The following TPGS2 variants were observed in gnomAD, a reference collection of about 807,000 sequenced individuals.
TPGS2 encodes the protein polyglutamylase subunit 2.
Under a neutral mutation model 31.1 loss-of-function variants are expected in TPGS2, and 26 were observed. The ratio of observed to expected loss-of-function variants is 0.84; its 90% confidence interval spans 0.61 to 1.16. The LOEUF (loss-of-function observed/expected upper bound fraction) is 1.16. Ranked by LOEUF, TPGS2 falls within the 50% of genes most tolerant of loss-of-function variation. TPGS2 has a pLI of 0.00. For missense variants in TPGS2, 351 were observed against 363.8 expected (o/e 0.96, Z 0.29); for synonymous variants, 130 against 136.6 (o/e 0.95, Z 0.34).
chr18:36,793,866 T>G (rs552855168), downstream of TPGS2, among the ~76,000 whole-genome samples: 2 of 151,862 alleles, frequency 1.3e-5, no homozygotes, highest in Non-Finnish European at 2.9e-5. Context: ...GCCTCCCGAG[T>G]AGCTGGGACT....
rs1039399286 is a variant in TPGS2 at position 36,828,871 on chromosome 18, C to A, written c.-104G>T. ...GCATGCCGGGAACGGTAGTTCTCGG[C>A]GCCTGAAAGCGCGGCGCAGTGATGA... On this transcript the variant is annotated 5_prime_UTR_variant, in exon 1 of 7. Transcript: ENST00000334295. The A allele has an allele frequency of 3.6e-6, 5 of 1,384,934 alleles. No individual in the cohort carries two copies. Among genetic ancestry groups the A allele is most frequent in the Non-Finnish European group, 4.9e-6 (5 of 1,014,162 alleles). 85.8% of individuals were successfully genotyped at this position (1,384,934 alleles called of 1,614,324 possible).
chr18:36,785,475 A>G (rs1042121854), intron 6 of TPGS2, among the ~76,000 whole-genome samples: 4 of 152,278 alleles, frequency 2.6e-5, no homozygotes, highest in African/African-American at 9.6e-5. Context: ...TGCTTTGATG[A>G]TAGAGTCATT....
downstream of TPGS2, among the ~76,000 whole-genome samples, chr18:36,791,690 G>T (rs570786711): frequency 6.6e-6 from 1 of 152,236 alleles, no homozygotes; most frequent in East Asian, 1.9e-4. Context: ...GTTAACAAGA[G>T]AATGCATGGC....
At chr18:36,790,952 G>A (rs2044289515), downstream of TPGS2, among the ~76,000 whole-genome samples, 1 of 152,128 alleles carries the variant, frequency 6.6e-6, no homozygotes. Flanking sequence ...TTGTGTCCCT[G>A]CCCAAATCTC....
chr18:36,786,882 C>A (rs1030882651), intron 6 of TPGS2: 16 of 1,234,210 alleles, frequency 1.3e-5, no homozygotes, highest in South Asian at 4.1e-5. Flanking sequence ...GGAATGATTG[C>A]GACACTGTTG....
At position 36,795,305 on chromosome 18, in the gene TPGS2, A is replaced by T; in HGVS notation, c.*1500T>A. On this transcript the variant is annotated 3_prime_UTR_variant, in exon 7 of 7. Coordinates refer to ENST00000334295, the MANE Select transcript of TPGS2 (RefSeq NM_015476.4). ...GGGTCGATTAGCAGGTAGACAGTGC[A>T]AAGGAAGGAAGTCTGGCCAATCACC... The T allele has an allele frequency of 7.1e-6, 7 of 985,622 alleles. No individual in the cohort carries two copies. Among genetic ancestry groups the T allele is most frequent in the Non-Finnish European group, 8.4e-6 (7 of 830,088 alleles). The allele number at this position is 985,622 out of a possible 1,614,324, so 61.1% of individuals were successfully genotyped here.
intron 4 of TPGS2, 124 bp downstream of exon 4, chr18:36,805,233 GAATCCTCTTGATACTGA>G: frequency 3.0e-6 from 3 of 993,738 alleles, no homozygotes; most frequent in Non-Finnish European, 4.4e-6. Flanking sequence ...CATGTTCCCT[GAATCCTCTTGATACTGA>G]AATGTTGAGT....
At position 36,795,366 on chromosome 18, in the gene TPGS2, C is replaced by T. The variant is rs2044481078; in HGVS notation, c.*1439G>A. 2.0e-6 allele frequency: 2 copies of T among 985,490 alleles called. No homozygotes were observed. The highest frequency in any genetic ancestry group is 9.4e-5 in the South Asian group (2 of 21,274). The allele number at this position is 985,490 out of a possible 1,614,324, so 61.0% of individuals were successfully genotyped here. A position where few individuals can be genotyped will look rare whatever the true frequency, so the allele number is the denominator to read the frequency against. Reference sequence around the variant, plus strand: ...GAAGTCAGGAAAGAGAATGAGCCAGCTGGGACTGAAGTGTGCAGATGGTAG... The same window carrying T: ...GAAGTCAGGAAAGAGAATGAGCCAGTTGGGACTGAAGTGTGCAGATGGTAG... On this transcript the variant is annotated 3_prime_UTR_variant, in exon 7 of 7. Transcript: ENST00000334295.
intron 3 of TPGS2, among the ~76,000 whole-genome samples, chr18:36,806,368 A>C (rs1459220129): frequency 1.3e-5 from 2 of 152,130 alleles, no homozygotes; most frequent in East Asian, 3.9e-4. Context: ...AGCCTGTTGC[A>C]AGGATGTGGG....
chr18:36,820,445 A>T (rs2045846881), intron 1 of TPGS2, among the ~76,000 whole-genome samples: 2 of 152,200 alleles, frequency 1.3e-5, no homozygotes, highest in South Asian at 4.1e-4. Flanking sequence ...GTTGCTTAGG[A>T]AGTATCCATT....
intron 4 of TPGS2, among the ~76,000 whole-genome samples, chr18:36,800,762 T>C (rs541150989): frequency 6.6e-6 from 1 of 152,026 alleles, no homozygotes; most frequent in African/African-American, 2.4e-5. Context: ...TAATCTCGGC[T>C]CACTGCAACC....
chr18:36,791,724 G>T (rs1051122063), downstream of TPGS2, among the ~76,000 whole-genome samples: 1 of 152,090 alleles, frequency 6.6e-6, no homozygotes, highest in Non-Finnish European at 1.5e-5. Context: ...TCCAGTCTGG[G>T]TTGCTTAAGC....
At chr18:36,827,704 T>C (rs905225234) in intron 1 of TPGS2, among the ~76,000 whole-genome samples, 4 of 152,214 alleles carry the variant, frequency 2.6e-5, no homozygotes, top group Admixed American at 1.3e-4. Flanking sequence ...CTAACTCCTA[T>C]ATGTCTTTCA....
At chr18:36,780,158 C>G, downstream of TPGS2, 1 of 1,231,936 alleles carries the variant, frequency 8.1e-7, no homozygotes, top group Non-Finnish European at 1.0e-6. Flanking sequence ...CAGAAGCACC[C>G]TCGCTTGGAA....
downstream of TPGS2, among the ~76,000 whole-genome samples, chr18:36,780,949 G>A (rs1296730805): frequency 6.6e-6 from 1 of 152,194 alleles, no homozygotes; most frequent in African/African-American, 2.4e-5. Flanking sequence ...CCACAAACAC[G>A]TGAGTAATGC....
chr18:36,783,989 G>A (rs2044073625), intron 6 of TPGS2, among the ~76,000 whole-genome samples: 2 of 152,062 alleles, frequency 1.3e-5, no homozygotes, highest in Admixed American at 6.6e-5. Flanking sequence ...GAAGACAGAC[G>A]AAATTGGAGT....
At chr18:36,788,224 C>T (rs1346027139) in intron 6 of TPGS2, among the ~76,000 whole-genome samples, 1 of 34,814 alleles carries the variant, frequency 2.9e-5, no homozygotes, top group Non-Finnish European at 5.1e-5. Context: ...ATCTAATTTT[C>T]ACAGGAAATT....
chr18:36,811,900 T>C (rs1428410023), intron 2 of TPGS2, among the ~76,000 whole-genome samples: 3 of 152,226 alleles, frequency 2.0e-5, no homozygotes, highest in Non-Finnish European at 4.4e-5. Context: ...CACCTTCCTT[T>C]TTCTCCTTGG....
intron 4 of TPGS2, among the ~76,000 whole-genome samples, chr18:36,801,400 C>CA (rs1465190670): frequency 6.6e-6 from 1 of 152,158 alleles, no homozygotes; most frequent in African/African-American, 2.4e-5. Context: ...GACATGTGAA[C>CA]ATGGTTCATT....
Sources: gnomAD v4.1 joint callset for allele counts (sites outside exome capture counted in the v4.1 genomes callset) on GRCh38, gnomAD v4.1.1 for gene constraint, MANE v1.5 for transcripts, NCBI Gene and HGNC (gene_info 2026-07-23, HGNC 2026-07-21) for gene names.